Variants in FARS2 observed in about 807,000 individuals in gnomAD.
The protein encoded by FARS2 is phenylalanine--tRNA ligase, mitochondrial.
Under a neutral mutation model 46.4 loss-of-function variants are expected in FARS2, and 40 were observed. The observed-to-expected ratio is 0.86, with a 90% CI of 0.67 to 1.12. FARS2 has a LOEUF of 1.12. Among genes scored for constraint, FARS2 ranks in the 50% most tolerant of loss-of-function variants. The pLI, the probability that FARS2 is intolerant of heterozygous loss-of-function variation, is 0.00. For missense variants in FARS2, 513 were observed against 567.9 expected, an observed-to-expected ratio of 0.90 and a Z score of 0.98; for synonymous variants, 234 against 214.9, an observed-to-expected ratio of 1.09 and a Z score of -0.78.
the FARS2 span, among the ~76,000 whole-genome samples, chr6:5,253,670 A>T: frequency 6.6e-6 from 1 of 152,146 alleles, no homozygotes; most frequent in African/African-American, 2.4e-5. Flanking sequence ...GTCGCCGGCC[A>T]TTGGAAGTTG....
intron 1 of FARS2, among the ~76,000 whole-genome samples, chr6:5,356,620 G>C (rs896527272): frequency 6.6e-6 from 1 of 152,170 alleles, no homozygotes; most frequent in African/African-American, 2.4e-5. Context: ...TATTGGCTGT[G>C]AGTGCAATGT....
At chr6:5,666,254 A>C (rs981045482) in intron 6 of FARS2, among the ~76,000 whole-genome samples, 5 of 152,228 alleles carry the variant, frequency 3.3e-5, no homozygotes, top group African/African-American at 1.2e-4. Flanking sequence ...TAAAAGAAAC[A>C]TAAGTAAGAG....
At chr6:5,650,719 C>T (rs1777315897) in intron 6 of FARS2, among the ~76,000 whole-genome samples, 1 of 152,164 alleles carries the variant, frequency 6.6e-6, no homozygotes, top group Non-Finnish European at 1.5e-5. Flanking sequence ...CCTCATGATC[C>T]ACCTGCCTCA....
At position 5,418,124 on chromosome 6, in the gene FARS2, G is replaced by A. The variant is rs576554608; in HGVS notation, c.773-12917G>A. On this transcript the variant is annotated intron_variant, in intron 3 of 6. Transcript: ENST00000274680. The stretch of plus-strand genomic sequence containing the variant: ...TTTCTTCTAGCTTTTTGAACATAAC[G>A]AATATATAATACATATTTTAACACA... 1.8e-3 allele frequency among the ~76,000 whole-genome samples: 278 copies of A among 152,046 alleles called. 2 individuals are homozygous for A. Among genetic ancestry groups the A allele is most frequent in the Non-Finnish European group, 1.4e-3 (97 of 67,980 alleles).
chr6:5,447,108 G>A lies in FARS2; in HGVS notation c.904+15936G>A, dbSNP rs138403269. ...TTAAAGTAGGAAAATAATGTGACCAGATTGATATTTGGGTATCTGGCATTA... is the reference window on the plus strand; with the variant it reads ...TTAAAGTAGGAAAATAATGTGACCAAATTGATATTTGGGTATCTGGCATTA... On this transcript the variant is annotated intron_variant, in intron 4 of 6. Coordinates refer to ENST00000274680, the MANE Select transcript of FARS2 (RefSeq NM_006567.5). 1.7e-4 allele frequency among the ~76,000 whole-genome samples: 26 copies of A among 152,312 alleles called. No homozygotes were observed. The East Asian group carries it at 4.6e-3, about 27-fold the overall frequency.
At chr6:5,294,229 C>T (rs766348840) in intron 1 of FARS2, among the ~76,000 whole-genome samples, 7 of 152,006 alleles carry the variant, frequency 4.6e-5, no homozygotes, top group Non-Finnish European at 1.0e-4. Context: ...ATTTGAGTTT[C>T]GGATCCTTGG....
chr6:5,283,374 CAAAAA>C (rs1180107524), intron 1 of FARS2, among the ~76,000 whole-genome samples: 2 of 55,078 alleles, frequency 3.6e-5, no homozygotes, highest in African/African-American at 7.1e-5. Context: ...ACTCCTGTCT[CAAAAA>C]AAAAAAAAAA....
chr6:5,615,230 C>T (rs1775409355), intron 6 of FARS2, among the ~76,000 whole-genome samples: 1 of 152,182 alleles, frequency 6.6e-6, no homozygotes, highest in Non-Finnish European at 1.5e-5. Context: ...CTTCAGGGAT[C>T]CAGTTATGCA....
At chr6:5,443,192 A>G (rs1174394381) in intron 4 of FARS2, among the ~76,000 whole-genome samples, 1 of 152,244 alleles carries the variant, frequency 6.6e-6, no homozygotes, top group Non-Finnish European at 1.5e-5. Context: ...ATGAAACAGT[A>G]ACGCCAAAAA....
chr6:5,468,457 T>C (rs540035987), intron 4 of FARS2, among the ~76,000 whole-genome samples: 47 of 152,324 alleles, frequency 3.1e-4, no homozygotes, highest in African/African-American at 9.4e-4. Context: ...GAATTCCCTT[T>C]AATATTTTCA....
intron 1 of FARS2, among the ~76,000 whole-genome samples, chr6:5,300,030 A>C (rs1220914923): frequency 3.3e-5 from 5 of 152,198 alleles, no homozygotes; most frequent in Non-Finnish European, 7.3e-5. Context: ...CAGAAAGTTT[A>C]GATGTCAAAT....
At chr6:5,341,200 TATATATATATATATATATATATATATATA>T (rs1771545928) in intron 1 of FARS2, among the ~76,000 whole-genome samples, 2 of 4,866 alleles carry the variant, frequency 4.1e-4, no homozygotes, top group African/African-American at 6.1e-4. Flanking sequence ...TATATATATA[TATATATATATATATATATATATATATATA>T]TATATATTTT....
intron 4 of FARS2, among the ~76,000 whole-genome samples, chr6:5,521,775 G>A (rs187755051): frequency 3.3e-5 from 5 of 152,154 alleles, no homozygotes; most frequent in African/African-American, 9.6e-5. Flanking sequence ...GACATTCAAG[G>A]ATTTTCTTTT....
chr6:5,357,143 A>G (rs1317876784), intron 1 of FARS2, among the ~76,000 whole-genome samples: 1 of 152,168 alleles, frequency 6.6e-6, no homozygotes, highest in Non-Finnish European at 1.5e-5. Context: ...TTTTCGAAGG[A>G]CTTCCTAAAT....
chr6:5,404,813 T>TC (rs1303422127), intron 3 of FARS2, 112 bp downstream of exon 3: 8 of 754,874 alleles, frequency 1.1e-5, no homozygotes, highest in Middle Eastern at 4.2e-4. Flanking sequence ...TTTTTTTTTT[T>TC]CCCCGAGACG....
At chr6:5,740,440 C>T (rs988053300) in intron 6 of FARS2, among the ~76,000 whole-genome samples, 1 of 151,664 alleles carries the variant, frequency 6.6e-6, no homozygotes, top group African/African-American at 2.4e-5. Context: ...ATTTCTTAAG[C>T]CTGTGGACGC....
At chr6:5,720,160 A>G (rs918373314) in intron 6 of FARS2, among the ~76,000 whole-genome samples, 4 of 152,234 alleles carry the variant, frequency 2.6e-5, no homozygotes, top group African/African-American at 7.2e-5. Context: ...ATTCCATTAA[A>G]TACATTGCGA....
chr6:5,718,346 A>T (rs1399289513), intron 6 of FARS2, among the ~76,000 whole-genome samples: 1 of 152,140 alleles, frequency 6.6e-6, no homozygotes, highest in Non-Finnish European at 1.5e-5. Context: ...GTGCCCACCC[A>T]CCCCCAACTG....
intron 5 of FARS2, among the ~76,000 whole-genome samples, chr6:5,568,784 A>G (rs1371586562): frequency 6.6e-6 from 1 of 152,230 alleles, no homozygotes; most frequent in African/African-American, 2.4e-5. Context: ...GACAGATCCC[A>G]GTGCGGATAA....
Sources: allele counts gnomAD v4.1 joint callset (sites outside exome capture counted in the v4.1 genomes callset), GRCh38; gene constraint gnomAD v4.1.1; transcripts MANE v1.5; gene names NCBI Gene and HGNC (gene_info 2026-07-23, HGNC 2026-07-21).